The following ODF2 variants were observed in gnomAD, a reference collection of about 807,000 sequenced individuals.
The protein encoded by ODF2 is outer dense fiber of sperm tails 2.
In ODF2, 47 loss-of-function variants were observed where a neutral mutation model predicts 110.2. The observed-to-expected ratio is 0.43, with a 90% CI of 0.34 to 0.54. ODF2 has a LOEUF of 0.54. Among genes scored for constraint, ODF2 ranks in the 20% least tolerant of loss-of-function variants. The probability of loss-of-function intolerance (pLI) is 0.03; values close to 1 mark genes in which losing one functional copy is unlikely to be tolerated. For synonymous variants in ODF2, 352 were observed against 397.7 expected (o/e 0.89, Z 1.37); for missense variants, 812 against 1,054.5 (o/e 0.77, Z 3.19).
At chr9:128,466,926 G>A (rs1838083976) in intron 4 of ODF2, among the ~76,000 whole-genome samples, 1 of 131,164 alleles carries the variant, frequency 7.6e-6, no homozygotes, top group African/African-American at 2.8e-5. Flanking sequence ...GCAGTGAGCC[G>A]AGATTGCACC....
chr9:128,486,309 T>C (rs943953983), intron 13 of ODF2, among the ~76,000 whole-genome samples: 3 of 152,310 alleles, frequency 2.0e-5, no homozygotes, highest in Admixed American at 6.5e-5. Context: ...CCAGCTGCTG[T>C]CCTTAGGGAG....
chr9:128,473,148 T>A, intron 7 of ODF2, 106 bp downstream of exon 7: 1 of 1,537,450 alleles, frequency 6.5e-7, no homozygotes, highest in Non-Finnish European at 8.8e-7. Flanking sequence ...TTATGACATC[T>A]TCAGGCTGGG....
At chr9:128,470,915 GTTT>G (rs59215056) in intron 5 of ODF2, among the ~76,000 whole-genome samples, 1 of 139,410 alleles carries the variant, frequency 7.2e-6, no homozygotes. Context: ...TTTTGTTTTT[GTTT>G]TTTTTTTTTT....
At chr9:128,471,827 G>A (rs919265177) in intron 6 of ODF2, among the ~76,000 whole-genome samples, 1 of 152,128 alleles carries the variant, frequency 6.6e-6, no homozygotes, top group Non-Finnish European at 1.5e-5. Context: ...AGGCCCCAAG[G>A]TGGGAAAGTG....
At chr9:128,469,101 C>T in intron 4 of ODF2, 82 bp from the exon 5 acceptor site, 1 of 1,368,560 alleles carries the variant, frequency 7.3e-7, no homozygotes, top group East Asian at 2.3e-5. Flanking sequence ...CCCGTCTAAT[C>T]AGTAAATAAG....
intron 16 of ODF2, among the ~76,000 whole-genome samples, chr9:128,493,821 G>A (rs1262932021): frequency 6.6e-6 from 1 of 152,144 alleles, no homozygotes; most frequent in African/African-American, 2.4e-5. Context: ...TTGAGACAGA[G>A]TCTTGCTGTG....
rs1031639886 is a variant in ODF2, at chr9:128,473,418, G to A, written c.712-192G>A. ...CCCACCCCTTTCTCCACCTTTGCTCGGAGCAGACTTAGCTCCTGCTTGTCC... is the reference window on the plus strand; with the variant it reads ...CCCACCCCTTTCTCCACCTTTGCTCAGAGCAGACTTAGCTCCTGCTTGTCC... On this transcript the variant is annotated intron_variant, in intron 7 of 20. Transcript: ENST00000604420. 18 of 658,864 alleles carry A rather than the reference G, an allele frequency of 2.7e-5. No homozygotes were observed. In the South Asian group the frequency reaches 3.4e-4, roughly 12 times the overall value. The allele number at this position is 658,864 out of a possible 1,614,324, so 40.8% of individuals were successfully genotyped here.
chr9:128,491,871 T>C (rs1025380154), intron 14 of ODF2, among the ~76,000 whole-genome samples: 3 of 149,378 alleles, frequency 2.0e-5, no homozygotes, highest in African/African-American at 4.9e-5. Flanking sequence ...ATTTTCTTTT[T>C]TTTTTTTTTT....
intron 8 of ODF2, among the ~76,000 whole-genome samples, chr9:128,478,400 C>A (rs1841771267): frequency 6.6e-6 from 1 of 152,072 alleles, no homozygotes; most frequent in Admixed American, 6.6e-5. Flanking sequence ...GAATTTGAGA[C>A]CAGCCTGGGC....
rs781113458 is a variant in ODF2 at position 128,473,585 on chromosome 9, G to A, written c.712-25G>A. ...CTTCTTCCCTTCTCCCCCTGCATCT[G>A]TAAGACTGGCTACTTGTCTTCCAGG... On this transcript the variant is annotated intron_variant, in intron 7 of 20. Transcript: ENST00000604420. 3 of 1,612,024 alleles carry A rather than the reference G, an allele frequency of 1.9e-6. No individual in the cohort carries two copies. The South Asian group carries it at 3.3e-5, about 18-fold the overall frequency.
At chr9:128,457,297 T>C (rs1184082725) in exon 2 of ODF2, 2 of 1,607,032 alleles carry the variant, frequency 1.2e-6, no homozygotes, top group Admixed American at 3.3e-5. Flanking sequence ...AGAGAGGACG[T>C]TTGATGCCGG....
intron 13 of ODF2, 137 bp from the exon 14 acceptor site, chr9:128,487,753 C>T (rs1022955468): frequency 2.2e-5 from 23 of 1,035,532 alleles, no homozygotes; most frequent in African/African-American, 1.6e-4. Context: ...CGCCACTGCA[C>T]TCCAGCCTAG....
rs1180239379 is a variant in ODF2, at chr9:128,460,866, C to T, written c.124-76C>T. On this transcript the variant is annotated intron_variant, in intron 3 of 20. Coordinates refer to ENST00000604420, the Ensembl canonical transcript of ODF2. Reference sequence around the variant, plus strand: ...TAGTCAGAAGAGGCACTCTGCTAGTCGGAGAGGGATGTCACTAGCGTGGCA... The same window carrying T: ...TAGTCAGAAGAGGCACTCTGCTAGTTGGAGAGGGATGTCACTAGCGTGGCA... 6.3e-6 allele frequency: 10 copies of T among 1,593,332 alleles called. No individual in the cohort carries two copies. The South Asian group carries it at 6.7e-5, about 11-fold the overall frequency.
chr9:128,495,912 C>T (rs1464319404), intron 17 of ODF2, 129 bp from the exon 18 acceptor site: 7 of 1,031,110 alleles, frequency 6.8e-6, no homozygotes, highest in Admixed American at 2.0e-5. Context: ...CTAGGTTGTG[C>T]GTTGAGACTT....
intron 14 of ODF2, among the ~76,000 whole-genome samples, chr9:128,488,502 A>G (rs1843863552): frequency 6.6e-6 from 1 of 152,126 alleles, no homozygotes; most frequent in South Asian, 2.1e-4. Flanking sequence ...AAAACATTCC[A>G]TGCCTCTTCC....
intron 8 of ODF2, among the ~76,000 whole-genome samples, chr9:128,478,015 G>C (rs1056133559): frequency 6.6e-6 from 1 of 151,570 alleles, no homozygotes; most frequent in African/African-American, 2.4e-5. Context: ...TTTTTTGTTT[G>C]TTTTGATACA....
rs573266689 is a variant in ODF2 at position 128,485,306 on chromosome 9, C to G, written c.1291-59C>G. 210 of 903,734 alleles carry G rather than the reference C, an allele frequency of 2.3e-4. No individual in the cohort carries two copies. The highest frequency in any genetic ancestry group is 3.4e-4 in the Non-Finnish European group (190 of 556,882). The allele number at this position is 903,734 out of a possible 1,614,324, so 56.0% of individuals were successfully genotyped here. On this transcript the variant is annotated intron_variant, in intron 12 of 20. Coordinates refer to ENST00000604420, the Ensembl canonical transcript of ODF2. This position sits in a 1 kb window ranked among gnomAD's most constrained non-coding sequence, Gnocchi z 5.0. Reference sequence around the variant, plus strand: ...CCACCTAGGATGAGCCCGCTCCCAGCTCCTGGCAGCCTCACCACTGACACT... The same window carrying G: ...CCACCTAGGATGAGCCCGCTCCCAGGTCCTGGCAGCCTCACCACTGACACT...
At chr9:128,493,915 G>A (rs1157771592) in intron 16 of ODF2, among the ~76,000 whole-genome samples, 1 of 152,042 alleles carries the variant, frequency 6.6e-6, no homozygotes. Context: ...CTGCCTCAGC[G>A]TCCCAAGTAG....
chr9:128,492,056 A>G (rs891249869), intron 14 of ODF2, among the ~76,000 whole-genome samples: 5 of 151,874 alleles, frequency 3.3e-5, no homozygotes, highest in Non-Finnish European at 5.9e-5. Context: ...TAGTAGAGAC[A>G]GGATTTCACT....
Sources: gnomAD v4.1 joint callset for allele counts (sites outside exome capture counted in the v4.1 genomes callset) on GRCh38, gnomAD v4.1.1 for gene constraint, Gnocchi (gnomAD v3.1) non-coding constraint, MANE v1.5 for transcripts, NCBI Gene and HGNC (gene_info 2026-07-23, HGNC 2026-07-21) for gene names.